The following SPART variants were observed in gnomAD, a reference collection of about 807,000 sequenced individuals.
SPART encodes the protein spastic paraplegia 20 (Troyer syndrome).
In SPART, 35 loss-of-function variants were observed where a neutral mutation model predicts 58.7. The ratio of observed to expected loss-of-function variants is 0.60; its 90% CI spans 0.46 to 0.79. The LOEUF is 0.79. Among genes scored for constraint, SPART ranks in the 30% least tolerant of loss-of-function variants. The pLI, the probability that SPART is intolerant of heterozygous loss-of-function variation, is 0.00. For synonymous variants in SPART, 284 were observed against 280.7 expected (o/e 1.01, Z -0.12); for missense variants, 730 against 786.1 (o/e 0.93, Z 0.85).
upstream of SPART, among the ~76,000 whole-genome samples, chr13:36,350,778 G>A (rs910705202): frequency 6.6e-6 from 1 of 152,178 alleles, no homozygotes; most frequent in Non-Finnish European, 1.5e-5. Flanking sequence ...TTACCCCTGG[G>A]TAATGCACCA....
chr13:36,335,266 T>C lies in SPART; in HGVS notation c.565A>G (p.Thr189Ala), dbSNP rs1197201499. The change falls in exon 2 of 9, where the codon ACA (threonine) becomes GCA (alanine). Residue 189 changes from threonine to alanine, a missense_variant. Transcript: ENST00000438666. ...AEGHYTVSYG[T>A]DSGEFSSVGE... ...ACTGATGAAAACTCCCCAGAATCTGTTCCATAGGATACAGTGTAGTGACCT... is the reference window on the plus strand; with the variant it reads ...ACTGATGAAAACTCCCCAGAATCTGCTCCATAGGATACAGTGTAGTGACCT... 1 of 1,614,000 alleles carries C rather than the reference T, an allele frequency of 6.2e-7. No homozygotes were observed. Among genetic ancestry groups the C allele is most frequent in the Non-Finnish European group, 8.5e-7 (1 of 1,179,996 alleles).
chr13:36,363,389 GTC>G (rs1326128649), intron 1 of SPART, among the ~76,000 whole-genome samples: 1 of 151,682 alleles, frequency 6.6e-6, no homozygotes, highest in Admixed American at 6.6e-5. Flanking sequence ...CTTTTTGTCT[GTC>G]TCTCTTTCTT....
chr13:36,352,786 CA>C (rs34599910), intron 1 of SPART, among the ~76,000 whole-genome samples: 1,860 of 113,330 alleles, frequency 0.016, 40 homozygotes, highest in African/African-American at 0.057. Flanking sequence ...ATCCCGTTTC[CA>C]AAAAAAAAAA....
chr13:36,304,664 A>C (rs1203685447), intron 8 of SPART, 32 bp from the exon 9 acceptor site: 55 of 1,604,386 alleles, frequency 3.4e-5, no homozygotes, highest in Non-Finnish European at 4.3e-5. Context: ...ACATACAATG[A>C]AACAATAAAT....
At chr13:36,356,480 CA>C (rs1421483922) in intron 1 of SPART, among the ~76,000 whole-genome samples, 2 of 152,284 alleles carry the variant, frequency 1.3e-5, no homozygotes, top group East Asian at 3.9e-4. Flanking sequence ...CTTGGGTCTC[CA>C]CAATCCTTTG....
In SPART at chr13:36,314,140, A is replaced by G. The variant is rs527667121; in HGVS notation, c.1483+87T>C. 447 of 1,321,174 alleles carry G rather than the reference A, an allele frequency of 3.4e-4. 3 individuals are homozygous for G. In the South Asian group the frequency reaches 5.1e-3, roughly 15 times the overall value. 81.8% of individuals were successfully genotyped at this position (1,321,174 alleles called of 1,614,324 possible). A position where few individuals can be genotyped will look rare whatever the true frequency, so the allele number is the denominator to read the frequency against. On this transcript the variant is annotated intron_variant, in intron 6 of 8. Coordinates refer to ENST00000438666, the MANE Select transcript of SPART (RefSeq NM_015087.5). ...AATTCTTTATTCTTGAGATTAAACC[A>G]TCTAAATGAACATGCAGATTAACCC... is the stretch of plus-strand genomic sequence containing the variant.
intron 8 of SPART, among the ~76,000 whole-genome samples, chr13:36,310,586 C>T (rs996045132): frequency 2.0e-4 from 30 of 152,230 alleles, no homozygotes; most frequent in African/African-American, 5.5e-4. Flanking sequence ...TTCTCTCTCC[C>T]CCATGCGGTT....
intron 1 of SPART, among the ~76,000 whole-genome samples, chr13:36,352,722 G>A (rs964183795): frequency 9.2e-5 from 14 of 151,672 alleles, no homozygotes; most frequent in Non-Finnish European, 1.5e-4. Context: ...TGAGGTGGGA[G>A]GATCAATTGA....
intron 1 of SPART, among the ~76,000 whole-genome samples, chr13:36,368,040 G>A (rs1186745771): frequency 6.6e-6 from 1 of 152,110 alleles, no homozygotes; most frequent in African/African-American, 2.4e-5. Context: ...TTCAATATAC[G>A]TACATTAATA....
intron 4 of SPART, among the ~76,000 whole-genome samples, chr13:36,329,090 G>C (rs796671057): frequency 1.8e-4 from 27 of 152,150 alleles, no homozygotes; most frequent in African/African-American, 6.3e-4. Context: ...GACAAGGCAG[G>C]ATCCTGTCTC....
At chr13:36,308,329 A>C (rs943514798) in intron 8 of SPART, 1 of 152,140 alleles carries the variant, frequency 6.6e-6, no homozygotes, top group African/African-American at 2.4e-5. Flanking sequence ...CATCCTTCTA[A>C]ATTTCTAATA....
chr13:36,363,481 C>T (rs1254501680), intron 1 of SPART, among the ~76,000 whole-genome samples: 1 of 152,050 alleles, frequency 6.6e-6, no homozygotes, highest in Non-Finnish European at 1.5e-5. Flanking sequence ...ATTTTCCCAT[C>T]TACTCTTCTC....
At chr13:36,337,542 C>T (rs756006769) in intron 1 of SPART, among the ~76,000 whole-genome samples, 2 of 152,156 alleles carry the variant, frequency 1.3e-5, no homozygotes, top group Non-Finnish European at 2.9e-5. Context: ...CTCTTTCCTG[C>T]CATCATGTGA....
chr13:36,366,258 C>A (rs1252139223), intron 1 of SPART, among the ~76,000 whole-genome samples: 2 of 152,138 alleles, frequency 1.3e-5, no homozygotes, highest in Non-Finnish European at 2.9e-5. Context: ...TGGAACAGAC[C>A]TTATATTTCA....
At chr13:36,317,248 G>A (rs1198548648) in intron 5 of SPART, among the ~76,000 whole-genome samples, 3 of 152,100 alleles carry the variant, frequency 2.0e-5, no homozygotes, top group Non-Finnish European at 4.4e-5. Flanking sequence ...TGGGGAAGGG[G>A]CAAGTACCCC....
intron 1 of SPART, among the ~76,000 whole-genome samples, chr13:36,351,433 T>G (rs1030486740): frequency 1.8e-4 from 28 of 152,216 alleles, no homozygotes; most frequent in African/African-American, 6.5e-4. Flanking sequence ...TCTGTATGTT[T>G]TTTAAAGTCT....
In SPART at chr13:36,303,899, A is replaced by C. The variant is rs939336277; in HGVS notation, c.*466T>G. The C allele has an allele frequency of 1.3e-5, 2 of 159,136 alleles. No individual in the cohort carries two copies. Among genetic ancestry groups the C allele is most frequent in the Non-Finnish European group, 2.8e-5 (2 of 72,350 alleles). The allele number at this position is 159,136 out of a possible 1,614,324, so 9.9% of individuals were successfully genotyped here. ...AGCTTACACACTGAAAATTTTGAGA[A>C]GCATCTAAAAAAATCCACAATTAGT... is the stretch of plus-strand genomic sequence containing the variant. On this transcript the variant is annotated 3_prime_UTR_variant, in exon 9 of 9. Transcript: ENST00000438666.
Position 36,312,187 on chromosome 13 carries a change from A to G in SPART, c.1691T>C (p.Val564Ala). The change falls in exon 8 of 9, where the codon GTT becomes GCT. Residue 564 changes from valine to alanine, a missense_variant. Transcript: ENST00000438666. The part of the protein sequence containing the change: ...QGLECAAKCI[V>A]NNVSAETVQT... Reference sequence around the variant, plus strand: ...TACAGTTTCTGCTGAAACATTGTTAACGATGCATTTAGCTGCACATTCCAA... The same window carrying G: ...TACAGTTTCTGCTGAAACATTGTTAGCGATGCATTTAGCTGCACATTCCAA... 6.2e-7 allele frequency: 1 copy of G among 1,614,192 alleles called. No individual in the cohort carries two copies. Among genetic ancestry groups the G allele is most frequent in the African/African-American group, 1.3e-5 (1 of 75,066 alleles).
chr13:36,343,679 G>C (rs926156276), intron 1 of SPART, among the ~76,000 whole-genome samples: 1 of 152,142 alleles, frequency 6.6e-6, no homozygotes, highest in Non-Finnish European at 1.5e-5. Flanking sequence ...GTCTGTCTCT[G>C]GCCCTCAGAA....
Sources: allele counts gnomAD v4.1 joint callset (sites outside exome capture counted in the v4.1 genomes callset), GRCh38; gene constraint gnomAD v4.1.1; transcripts MANE v1.5; gene names NCBI Gene and HGNC (gene_info 2026-07-23, HGNC 2026-07-21).